Variants in TECR observed in about 807,000 individuals in gnomAD.
The protein encoded by TECR is very-long-chain enoyl-CoA reductase.
TECR carries 19 observed loss-of-function variants against 50.6 expected under a neutral mutation model. That is an observed-to-expected ratio of 0.38 (90% CI 0.26 to 0.55). The LOEUF is 0.55. Among genes scored for constraint, TECR ranks in the 20% least tolerant of loss-of-function variants. The probability of loss-of-function intolerance (pLI) is 0.79; values close to 1 mark genes in which losing one functional copy is unlikely to be tolerated. For synonymous variants in TECR, 168 were observed against 163.5 expected (o/e 1.03, Z -0.21); for missense variants, 313 against 408.3 (o/e 0.77, Z 2.01).
intron 1 of TECR, chr19:14,536,655 C>T (rs572681304): frequency 6.6e-6 from 1 of 152,254 alleles, no homozygotes; most frequent in Non-Finnish European, 1.5e-5. Flanking sequence ...CTTCCCAACT[C>T]TGTGTTCAGG....
At chr19:14,535,162 C>A (rs1185707191) in intron 1 of TECR, among the ~76,000 whole-genome samples, 1 of 151,452 alleles carries the variant, frequency 6.6e-6, no homozygotes, top group East Asian at 1.9e-4. Context: ...CACCTGAGGT[C>A]AGGAGTTCAA....
chr19:14,543,936 C>T (rs188396113), intron 1 of TECR, among the ~76,000 whole-genome samples: 7 of 151,790 alleles, frequency 4.6e-5, no homozygotes, highest in Admixed American at 4.6e-4. Flanking sequence ...CAGGGTTTCA[C>T]CATGTTGGCC....
intron 1 of TECR, among the ~76,000 whole-genome samples, chr19:14,556,413 A>AAAAAAAAAAAAGAAAC (rs142293376): frequency 1.2e-4 from 10 of 86,514 alleles, no homozygotes; most frequent in African/African-American, 3.1e-4. Context: ...TCTCTCAAAA[A>AAAAAAAAAAAAGAAAC]AAAAACAAAA....
intron 1 of TECR, among the ~76,000 whole-genome samples, chr19:14,543,068 G>C (rs1361676610): frequency 1.3e-5 from 2 of 150,532 alleles, no homozygotes; most frequent in African/African-American, 4.9e-5. Context: ...CCTCAGGGTG[G>C]GGTGCCAAGT....
At chr19:14,540,984 C>A (rs773290896) in intron 1 of TECR, among the ~76,000 whole-genome samples, 1 of 151,902 alleles carries the variant, frequency 6.6e-6, no homozygotes, top group Non-Finnish European at 1.5e-5. Context: ...ACAGGCCACA[C>A]GCTGCTAATT....
rs73927065 is a variant in TECR, at chr19:14,558,660, A to G, written c.16-3865A>G. On this transcript the variant is annotated intron_variant, in intron 1 of 12. Coordinates refer to ENST00000215567, the MANE Select transcript of TECR (RefSeq NM_138501.6). Reference sequence around the variant, plus strand: ...CTCCCTGCCCGTCGTGCCTGAGGCTATGTGGTCTCACCCCTTGCCCGTGGC... The same window carrying G: ...CTCCCTGCCCGTCGTGCCTGAGGCTGTGTGGTCTCACCCCTTGCCCGTGGC... Among the ~76,000 whole-genome samples, 399 of 152,160 alleles carry G rather than the reference A, an allele frequency of 2.6e-3. 4 individuals carry two copies. The highest frequency in any genetic ancestry group is 9.3e-3 in the African/African-American group (384 of 41,504).
Position 14,529,692 on chromosome 19 carries a change from G to C in TECR, c.-5G>C, listed in dbSNP as rs1452969308. ...GCGGAGCAGTAGCCGCCGTGGGAGG[G>C]AGCCATGAAGCATTACGAGGTAAGA... On this transcript the variant is annotated 5_prime_UTR_variant, in exon 1 of 13. Transcript: ENST00000215567. 1 of 1,614,104 alleles carries C rather than the reference G, an allele frequency of 6.2e-7. No individual in the cohort carries two copies. The highest frequency in any genetic ancestry group is 1.7e-5 in the Admixed American group (1 of 60,022).
chr19:14,542,347 GTTTTTTTTTTTTTTT>G (rs71166754), intron 1 of TECR, among the ~76,000 whole-genome samples: 8 of 43,300 alleles, frequency 1.8e-4, no homozygotes, highest in Admixed American at 3.6e-4. Context: ...ATGCCATAGT[GTTTTTTTTTTTTTTT>G]TTTTTTTTTT....
intron 1 of TECR, among the ~76,000 whole-genome samples, chr19:14,540,015 G>A (rs1474338188): frequency 6.6e-6 from 1 of 150,968 alleles, no homozygotes; most frequent in Admixed American, 6.6e-5. Flanking sequence ...GAGTAGCTGG[G>A]ATTACAGGTA....
intron 1 of TECR, chr19:14,530,629 C>A (rs575571524): frequency 6.6e-6 from 1 of 151,998 alleles, no homozygotes; most frequent in African/African-American, 2.4e-5. Flanking sequence ...GTTCAAAGGC[C>A]CCTAGTTAGT....
At chr19:14,539,751 G>A (rs2073032088) in intron 1 of TECR, among the ~76,000 whole-genome samples, 1 of 152,084 alleles carries the variant, frequency 6.6e-6, no homozygotes, top group African/African-American at 2.4e-5. Flanking sequence ...GTTACCGAGC[G>A]CTCAGCTTCC....
chr19:14,529,624 GT>G lies in TECR; in HGVS notation c.-72del. The G allele has an allele frequency of 1.9e-6, 3 of 1,611,510 alleles. No individual in the cohort carries two copies. The highest frequency in any genetic ancestry group is 2.5e-6 in the Non-Finnish European group (3 of 1,178,096). On this transcript the variant is annotated 5_prime_UTR_variant, in exon 1 of 13. Transcript: ENST00000215567. ...GTCTATCGCTGCGGTTGCGAGCGCT[GT>G]AGGGAGCCTGTGCTGTGCCGCGCAG...
At chr19:14,558,341 G>A (rs1219125969) in intron 1 of TECR, among the ~76,000 whole-genome samples, 1 of 152,170 alleles carries the variant, frequency 6.6e-6, no homozygotes, top group Non-Finnish European at 1.5e-5. Context: ...CACAAAGACA[G>A]TGAAGACGGG....
rs181086536 is a variant in TECR, at chr19:14,548,164, G to A, written c.16-14361G>A. Among the ~76,000 whole-genome samples the A allele has an allele frequency of 2.5e-3, 379 of 151,732 alleles. 3 individuals are homozygous for A. Among genetic ancestry groups the A allele is most frequent in the African/African-American group, 4.0e-3 (164 of 41,390 alleles). ...TTTTTTGTAGAGATGGGGTTTCACC[G>A]TGTTAGCCAGGATCGTGTCGATCTC... On this transcript the variant is annotated intron_variant, in intron 1 of 12. Transcript: ENST00000215567.
intron 1 of TECR, chr19:14,545,062 C>CTG (rs1491317706): frequency 4.4e-6 from 2 of 456,460 alleles, no homozygotes; most frequent in Non-Finnish European, 8.8e-6. Context: ...CTAAGCCTCT[C>CTG]ACCACTGTCT....
intron 1 of TECR, among the ~76,000 whole-genome samples, chr19:14,547,314 AG>A: frequency 6.6e-6 from 1 of 152,198 alleles, no homozygotes; most frequent in African/African-American, 2.4e-5. Flanking sequence ...TAAAAATATT[AG>A]TTACAGGCGT....
At chr19:14,536,874 GTGCAGCA>G in intron 1 of TECR, among the ~76,000 whole-genome samples, 2 of 151,562 alleles carry the variant, frequency 1.3e-5, no homozygotes, top group South Asian at 4.2e-4. Context: ...CCTCAGCTTG[GTGCAGCA>G]CCTTGCAGCA....
chr19:14,551,140 C>T (rs1023612962), intron 1 of TECR, among the ~76,000 whole-genome samples: 3 of 151,602 alleles, frequency 2.0e-5, no homozygotes, highest in African/African-American at 2.4e-5. Flanking sequence ...GGTGCGATCT[C>T]GGCTCACTGC....
At chr19:14,532,858 C>T (rs537757263) in intron 1 of TECR, among the ~76,000 whole-genome samples, 93 of 152,276 alleles carry the variant, frequency 6.1e-4, no homozygotes, top group African/African-American at 2.2e-3. Context: ...GCCTGTAATC[C>T]CAGCACTTTG....
Sources: gnomAD v4.1 joint callset for allele counts (sites outside exome capture counted in the v4.1 genomes callset) on GRCh38, gnomAD v4.1.1 for gene constraint, MANE v1.5 for transcripts, NCBI Gene and HGNC (gene_info 2026-07-23, HGNC 2026-07-21) for gene names.